The following RBM18 variants were observed in gnomAD, a reference collection of about 807,000 sequenced individuals.
The protein encoded by RBM18 is probable RNA-binding protein 18.
In RBM18, 18 loss-of-function variants were observed where a neutral mutation model predicts 26.4. The observed-to-expected ratio is 0.68, with a 90% confidence interval of 0.47 to 1.01. The LOEUF (loss-of-function observed/expected upper bound fraction) is 1.01. RBM18 is among the 50% of genes least tolerant of loss of function. RBM18 has a pLI of 0.00. For missense variants in RBM18, 180 were observed against 219.2 expected, an observed-to-expected ratio of 0.82 and a Z score of 1.13; for synonymous variants, 74 against 81.1, an observed-to-expected ratio of 0.91 and a Z score of 0.47.
intron 3 of RBM18, among the ~76,000 whole-genome samples, chr9:122,250,805 G>T (rs10760219): frequency 0.32 from 49,157 of 151,768 alleles, 9,123 homozygotes; most frequent in Middle Eastern, 0.47. Flanking sequence ...TTATTTCTGG[G>T]TATTAGGCCA....
chr9:122,259,829 G>C (rs977094213), intron 2 of RBM18, among the ~76,000 whole-genome samples: 3 of 152,026 alleles, frequency 2.0e-5, no homozygotes, highest in Non-Finnish European at 4.4e-5. Flanking sequence ...AAGTAGCTGG[G>C]ACTACAGGCA....
rs760474422 is a variant in RBM18 at position 122,240,079 on chromosome 9, A to C, written c.*1805T>G. On this transcript the variant is annotated 3_prime_UTR_variant, in exon 6 of 6. Coordinates refer to ENST00000417201, the MANE Select transcript of RBM18 (RefSeq NM_033117.4). ...AATAATAAACAGTGCTTTAAATACA[A>C]ATAAATAGCTCTGGTTTCTAAAGGA... 3 of 152,372 alleles carry C rather than the reference A, an allele frequency of 2.0e-5. No homozygotes were observed. The highest frequency in any genetic ancestry group is 4.4e-5 in the Non-Finnish European group (3 of 68,042). 9.4% of individuals were successfully genotyped at this position (152,372 alleles called of 1,614,324 possible). A position where few individuals can be genotyped will look rare whatever the true frequency, so the allele number is the denominator to read the frequency against.
intron 4 of RBM18, among the ~76,000 whole-genome samples, chr9:122,245,560 C>T (rs577436282): frequency 5.3e-5 from 8 of 152,278 alleles, no homozygotes; most frequent in Admixed American, 3.9e-4. Flanking sequence ...ATCAGTTCCT[C>T]CTTATTTGGT....
chr9:122,240,507 T>A lies in RBM18; in HGVS notation c.*1377A>T, dbSNP rs1307821823. ...CATGGGAAGATGTTAAGTTCCTATA[T>A]TGAAAGCTTCCTCTTGCTAACAACG... On this transcript the variant is annotated 3_prime_UTR_variant, in exon 6 of 6. Coordinates refer to ENST00000417201, the MANE Select transcript of RBM18 (RefSeq NM_033117.4). 3 of 152,254 alleles carry A rather than the reference T, an allele frequency of 2.0e-5. No individual in the cohort carries two copies. Among genetic ancestry groups the A allele is most frequent in the South Asian group, 2.1e-4 (1 of 4,834 alleles). The allele number at this position is 152,254 out of a possible 1,614,324, so 9.4% of individuals were successfully genotyped here. A position where few individuals can be genotyped will look rare whatever the true frequency, so the allele number is the denominator to read the frequency against.
chr9:122,259,840 T>C (rs911395001), intron 2 of RBM18, among the ~76,000 whole-genome samples: 1 of 151,982 alleles, frequency 6.6e-6, no homozygotes, highest in African/African-American at 2.4e-5. Flanking sequence ...ACTACAGGCA[T>C]GCACCACCAT....
chr9:122,255,034 G>A (rs960326566), intron 2 of RBM18, among the ~76,000 whole-genome samples: 4 of 152,192 alleles, frequency 2.6e-5, no homozygotes, highest in African/African-American at 9.7e-5. Context: ...TGAAAGGTAG[G>A]CAGAGGACAG....
rs1214919622 is a variant in RBM18 at position 122,239,365 on chromosome 9, G to T, written c.*2519C>A. On this transcript the variant is annotated 3_prime_UTR_variant, in exon 6 of 6. Coordinates refer to ENST00000417201, the MANE Select transcript of RBM18 (RefSeq NM_033117.4). ...TGCTTTGAAAAATCTTTCCTCATGT[G>T]ATACTCCTCCCCAGTACTAAGATAC... 1 of 152,066 alleles carries T rather than the reference G, an allele frequency of 6.6e-6. No homozygotes were observed. Among genetic ancestry groups the T allele is most frequent in the Non-Finnish European group, 1.5e-5 (1 of 68,026 alleles). 9.4% of individuals were successfully genotyped at this position (152,066 alleles called of 1,614,324 possible).
intron 5 of RBM18, among the ~76,000 whole-genome samples, chr9:122,242,996 A>G (rs550370825): frequency 6.6e-6 from 1 of 152,090 alleles, no homozygotes; most frequent in Non-Finnish European, 1.5e-5. Flanking sequence ...CGCCCAGCTA[A>G]TTTTTGTACT....
chr9:122,259,882 C>CG lies in RBM18; in HGVS notation c.113+1497dup, dbSNP rs1347924715. 5.3e-5 allele frequency among the ~76,000 whole-genome samples: 8 copies of CG among 151,964 alleles called. No homozygotes were observed. In the East Asian group the frequency reaches 1.6e-3, roughly 30 times the overall value. ...CTAATTTTTTCATTTTTAGTAGAGA[C>CG]GGGGTTTCACCATGTTGGCCAGGCT... On this transcript the variant is annotated intron_variant, in intron 2 of 5. Transcript: ENST00000417201.
intron 2 of RBM18, among the ~76,000 whole-genome samples, chr9:122,252,383 A>T (rs1037417538): frequency 6.6e-6 from 1 of 151,426 alleles, no homozygotes; most frequent in Non-Finnish European, 1.5e-5. Context: ...TCTCCAAAAG[A>T]CAAAGCCTAT....
chr9:122,256,591 T>C (rs774024892), intron 2 of RBM18, among the ~76,000 whole-genome samples: 8 of 152,208 alleles, frequency 5.3e-5, no homozygotes, highest in Admixed American at 1.3e-4. Context: ...TACAGTTAGA[T>C]TGGGTCTCAC....
At chr9:122,256,295 A>C (rs567101331) in intron 2 of RBM18, among the ~76,000 whole-genome samples, 1 of 152,298 alleles carries the variant, frequency 6.6e-6, no homozygotes, top group East Asian at 1.9e-4. Flanking sequence ...AATCTTTCTT[A>C]TTAGTACTTA....
At chr9:122,264,238 C>T (rs1275396068) in intron 1 of RBM18, among the ~76,000 whole-genome samples, 2 of 152,110 alleles carry the variant, frequency 1.3e-5, no homozygotes, top group African/African-American at 4.8e-5. Context: ...CTCACGAGGT[C>T]GTTGTGAGTC....
intron 2 of RBM18, among the ~76,000 whole-genome samples, chr9:122,258,597 C>T (rs1831735049): frequency 6.6e-6 from 1 of 151,184 alleles, no homozygotes; most frequent in Non-Finnish European, 1.5e-5. Context: ...AAATTTATTA[C>T]AATTTAATAA....
chr9:122,242,502 A>C (rs1249136790), intron 5 of RBM18, among the ~76,000 whole-genome samples: 1 of 152,230 alleles, frequency 6.6e-6, no homozygotes, highest in Non-Finnish European at 1.5e-5. Flanking sequence ...ATACAAACTG[A>C]CTCAAAAGCC....
chr9:122,252,174 T>C (rs1158292722), intron 2 of RBM18, among the ~76,000 whole-genome samples: 1 of 152,232 alleles, frequency 6.6e-6, no homozygotes, highest in Admixed American at 6.5e-5. Context: ...ACTAGAATTG[T>C]CATGGCTATG....
rs762602502 is a variant in RBM18 at position 122,241,885 on chromosome 9, C to G, written c.572G>C (p.Ter191SerextTer3). ...TGCTGCTACAGTAATTCACAACCAT[C>G]ATCTTCGAGATTTCCATGCTGTTCT... ...YSRTAWKSRR[*>S] The change falls in exon 6 of 6, where the codon TGA becomes TCA. Residue 191 changes from the stop codon to serine (S), a stop_lost. Coordinates refer to ENST00000417201, the MANE Select transcript of RBM18 (RefSeq NM_033117.4). 5.0e-6 allele frequency: 8 copies of G among 1,611,000 alleles called. No individual in the cohort carries two copies. Among genetic ancestry groups the G allele is most frequent in the Non-Finnish European group, 6.8e-6 (8 of 1,179,164 alleles).
intron 2 of RBM18, among the ~76,000 whole-genome samples, chr9:122,259,842 C>T (rs1350782314): frequency 6.6e-6 from 1 of 152,024 alleles, no homozygotes; most frequent in Admixed American, 6.5e-5. Flanking sequence ...TACAGGCATG[C>T]ACCACCATGC....
chr9:122,256,729 G>A (rs987545639), intron 2 of RBM18, among the ~76,000 whole-genome samples: 3 of 152,132 alleles, frequency 2.0e-5, no homozygotes, highest in Non-Finnish European at 2.9e-5. Flanking sequence ...CATTACTTCA[G>A]TATACTAAGC....
Sources: allele counts gnomAD v4.1 joint callset (sites outside exome capture counted in the v4.1 genomes callset), GRCh38; gene constraint gnomAD v4.1.1; transcripts MANE v1.5; gene names NCBI Gene and HGNC (gene_info 2026-07-23, HGNC 2026-07-21).